The following TPO variants were observed in gnomAD, a reference collection of about 807,000 sequenced individuals.
TPO encodes the protein thyroid microsomal antigen.
In TPO, 78 loss-of-function variants were observed where a neutral mutation model predicts 96.9. The observed-to-expected ratio is 0.81, with a 90% confidence interval of 0.67 to 0.97. The LOEUF is 0.97. Ranked by LOEUF, TPO falls within the 50% of genes least tolerant of loss-of-function variation. The probability of loss-of-function intolerance (pLI) is 0.00; values close to 1 mark genes in which losing one functional copy is unlikely to be tolerated. For synonymous variants in TPO, 547 were observed against 538.0 expected (o/e 1.02, Z -0.23); for missense variants, 1,252 against 1,274.8 (o/e 0.98, Z 0.27).
chr2:1,459,403 G>T (rs1226449537), intron 7 of TPO, among the ~76,000 whole-genome samples: 1 of 152,018 alleles, frequency 6.6e-6, no homozygotes, highest in Non-Finnish European at 1.5e-5. Flanking sequence ...GCCTGCCTTG[G>T]CCTCTCAAAG....
intron 7 of TPO, among the ~76,000 whole-genome samples, chr2:1,458,102 T>C (rs1668033484): frequency 6.6e-6 from 1 of 151,850 alleles, no homozygotes; most frequent in African/African-American, 2.4e-5. Context: ...CGTGCGTTTA[T>C]GGCACATAAG....
chr2:1,394,163 G>A lies in TPO; in HGVS notation n.180+19761G>A, dbSNP rs1216213567. Among the ~76,000 whole-genome samples, 7 of 152,176 alleles carry A rather than the reference G, an allele frequency of 4.6e-5. No homozygotes were observed. The East Asian group carries it at 7.7e-4, about 17-fold the overall frequency. On this transcript the variant is annotated intron_variant and non_coding_transcript_variant, in intron 1 of 5. Transcript: ENST00000497517. ...CCTTCCACATTGAAGCATTTAGCAC[G>A]ATATGGAGTTGTCCCAGGCTTGAAG...
At chr2:1,477,709 G>A in intron 8 of TPO, 105 bp downstream of exon 8, 1 of 1,383,432 alleles carries the variant, frequency 7.2e-7, no homozygotes, top group Non-Finnish European at 9.4e-7. Flanking sequence ...TACTTGCACA[G>A]CCATCATGGG....
At chr2:1,476,051 G>A (rs1375236132) in intron 7 of TPO, among the ~76,000 whole-genome samples, 2 of 152,336 alleles carry the variant, frequency 1.3e-5, no homozygotes, top group East Asian at 1.9e-4. Context: ...CTGCTGGCTC[G>A]CTGGCCGCAT....
At position 1,455,868 on chromosome 2, in the gene TPO, C is replaced by T. The variant is rs552422933; in HGVS notation, c.613-208C>T. ...AAGTTAATGCCAGGCCCTCCAGCCA[C>T]CACAAATCAAGGCAGGGATTCAAGT... On this transcript the variant is annotated intron_variant, in intron 6 of 16. Transcript: ENST00000329066. 5.9e-5 allele frequency among the ~76,000 whole-genome samples: 9 copies of T among 152,260 alleles called. No individual in the cohort carries two copies. The East Asian group carries it at 1.5e-3, about 26-fold the overall frequency.
At chr2:1,422,386 G>A (rs562130883) in intron 2 of TPO, among the ~76,000 whole-genome samples, 11 of 150,266 alleles carry the variant, frequency 7.3e-5, no homozygotes, top group African/African-American at 2.4e-4. Flanking sequence ...TCGTGCAGGC[G>A]CCGCGCTGGG....
chr2:1,493,755 A>G, intron 10 of TPO, 47 bp from the exon 11 acceptor site: 1 of 1,607,976 alleles, frequency 6.2e-7, no homozygotes, highest in Middle Eastern at 1.7e-4. Flanking sequence ...GGGCTGAACA[A>G]AAGTTCAGTT....
chr2:1,418,284 C>CA (rs1168526107), intron 2 of TPO, among the ~76,000 whole-genome samples: 1,730 of 92,822 alleles, frequency 0.019, 27 homozygotes, highest in East Asian at 0.12. Flanking sequence ...GAATCCATCT[C>CA]AAAAAAAAAA....
chr2:1,530,892 T>C, intron 15 of TPO, among the ~76,000 whole-genome samples: 1 of 73,246 alleles, frequency 1.4e-5, no homozygotes. Flanking sequence ...CCCCCCACTG[T>C]GTGCAACCTC....
At chr2:1,419,182 G>A (rs540365298) in intron 2 of TPO, among the ~76,000 whole-genome samples, 335 of 152,294 alleles carry the variant, frequency 2.2e-3, no homozygotes, top group Non-Finnish European at 3.9e-3. Flanking sequence ...ATCTTGAGAA[G>A]GCGCAGGCAG....
intron 1 of TPO, among the ~76,000 whole-genome samples, chr2:1,394,683 C>T (rs1047681882): frequency 4.6e-5 from 7 of 152,180 alleles, no homozygotes; most frequent in African/African-American, 9.7e-5. Flanking sequence ...ACGCATGGAC[C>T]GAGCGTCACC....
At chr2:1,385,306 C>G (rs1379527823) in intron 1 of TPO, among the ~76,000 whole-genome samples, 2 of 151,438 alleles carry the variant, frequency 1.3e-5, no homozygotes, top group Admixed American at 1.3e-4. Flanking sequence ...CCTTGTACCT[C>G]TGGTAGAATT....
chr2:1,388,992 T>C (rs1266505646), intron 1 of TPO, among the ~76,000 whole-genome samples: 1 of 152,254 alleles, frequency 6.6e-6, no homozygotes, highest in Non-Finnish European at 1.5e-5. Flanking sequence ...ATTCTTGTTC[T>C]AAATAAGTGA....
chr2:1,401,221 A>T (rs1243434940), intron 1 of TPO, among the ~76,000 whole-genome samples: 1 of 152,244 alleles, frequency 6.6e-6, no homozygotes, highest in Non-Finnish European at 1.5e-5. Context: ...GTAAAACTTT[A>T]GGCAAAACAC....
chr2:1,468,662 G>A (rs1056438213), intron 7 of TPO, among the ~76,000 whole-genome samples: 5 of 152,112 alleles, frequency 3.3e-5, no homozygotes, highest in African/African-American at 1.2e-4. Context: ...CTTAACTTTA[G>A]GTAACCTGAT....
At chr2:1,483,041 C>T (rs371750899) in intron 8 of TPO, among the ~76,000 whole-genome samples, 4 of 152,184 alleles carry the variant, frequency 2.6e-5, no homozygotes, top group African/African-American at 4.8e-5. Flanking sequence ...CCAACCTCGA[C>T]GGCTCCCAGG....
rs747238139 is a variant in TPO, at chr2:1,477,046, C to CG, written c.820-35dup. 5.5e-5 allele frequency: 88 copies of CG among 1,586,622 alleles called. 1 individual carries two copies. In the South Asian group the frequency reaches 9.3e-4, roughly 17 times the overall value. Reference sequence around the variant, plus strand: ...CTTCCAGAGTCTTACAAAGGGTGCACGGGGGCCCTGGGTGACCTTGAACTC... The same window carrying CG: ...CTTCCAGAGTCTTACAAAGGGTGCACGGGGGGCCCTGGGTGACCTTGAACTC... On this transcript the variant is annotated intron_variant, in intron 7 of 16. Transcript: ENST00000329066.
At chr2:1,492,590 G>C (rs1442522081) in intron 10 of TPO, among the ~76,000 whole-genome samples, 3 of 152,156 alleles carry the variant, frequency 2.0e-5, no homozygotes, top group Non-Finnish European at 4.4e-5. Flanking sequence ...CCCCTTCCCA[G>C]ACCAACTGGA....
chr2:1,406,375 C>T (rs533358011), intron 1 of TPO, among the ~76,000 whole-genome samples: 13 of 152,338 alleles, frequency 8.5e-5, no homozygotes, highest in Non-Finnish European at 1.6e-4. Flanking sequence ...ACCTGTGTTA[C>T]ATTTTGTTAT....
Sources: allele counts gnomAD v4.1 joint callset (sites outside exome capture counted in the v4.1 genomes callset), GRCh38; gene constraint gnomAD v4.1.1; transcripts MANE v1.5; gene names NCBI Gene and HGNC (gene_info 2026-07-23, HGNC 2026-07-21).